ADGRL2: variants seen among roughly 807,000 people sequenced by gnomAD.
ADGRL2 encodes adhesion G protein-coupled receptor L2, also known as calcium-independent alpha-latrotoxin receptor 2.
Under a neutral mutation model 157.4 loss-of-function variants are expected in ADGRL2, and 44 were observed. The observed-to-expected ratio is 0.28, with a 90% CI of 0.22 to 0.36. The LOEUF is 0.36. Among genes scored for constraint, ADGRL2 ranks in the 10% least tolerant of loss-of-function variants. The pLI is 1.00. For missense variants in ADGRL2, 1,510 were observed against 1,768.9 expected (o/e 0.85, Z 2.63); for synonymous variants, 585 against 624.7 (o/e 0.94, Z 0.95).
chr1:81,767,899 G>A (rs2086199684), intron 2 of ADGRL2, among the ~76,000 whole-genome samples: 1 of 150,866 alleles, frequency 6.6e-6, no homozygotes, highest in Non-Finnish European at 1.5e-5. Flanking sequence ...CTGGGTCATG[G>A]AGTATGAAAA....
chr1:81,507,059 T>C (rs566153901), intron 2 of ADGRL2, among the ~76,000 whole-genome samples: 5 of 152,106 alleles, frequency 3.3e-5, no homozygotes, highest in Admixed American at 3.3e-4. Flanking sequence ...ATCATTTATA[T>C]AATATATCAG....
chr1:81,575,895 A>G (rs1557475634), intron 2 of ADGRL2, among the ~76,000 whole-genome samples: 2 of 152,102 alleles, frequency 1.3e-5, no homozygotes, highest in African/African-American at 4.8e-5. Context: ...TATACTACAC[A>G]GAATAGCATA....
chr1:81,704,555 C>T (rs1014833564), intron 1 of ADGRL2, among the ~76,000 whole-genome samples: 1 of 152,194 alleles, frequency 6.6e-6, no homozygotes, highest in Non-Finnish European at 1.5e-5. Context: ...TCCCAGAATA[C>T]TTCCAGCCTG....
At chr1:81,392,708 G>A (rs1362614526) in intron 1 of ADGRL2, among the ~76,000 whole-genome samples, 1 of 151,954 alleles carries the variant, frequency 6.6e-6, no homozygotes, top group African/African-American at 2.4e-5. Flanking sequence ...AAATCCAATG[G>A]GAAATAGAGT....
intron 2 of ADGRL2, among the ~76,000 whole-genome samples, chr1:81,467,430 G>T (rs1188138835): frequency 6.6e-6 from 1 of 152,154 alleles, no homozygotes; most frequent in Non-Finnish European, 1.5e-5. Context: ...AAATGCTACT[G>T]CTATTATCGA....
intron 1 of ADGRL2, among the ~76,000 whole-genome samples, chr1:81,732,466 C>G (rs750812898): frequency 1.3e-5 from 2 of 152,046 alleles, no homozygotes; most frequent in Non-Finnish European, 2.9e-5. Flanking sequence ...GCCAGCACAG[C>G]CTTACAGAGG....
chr1:81,491,369 G>A (rs1219894434), intron 2 of ADGRL2, among the ~76,000 whole-genome samples: 1 of 152,052 alleles, frequency 6.6e-6, no homozygotes, highest in Non-Finnish European at 1.5e-5. Context: ...TCTGGGTAAT[G>A]CTCACATGGG....
intron 3 of ADGRL2, among the ~76,000 whole-genome samples, chr1:81,918,003 T>C (rs1487974327): frequency 6.6e-6 from 1 of 152,206 alleles, no homozygotes; most frequent in East Asian, 1.9e-4. Flanking sequence ...AAGGCTCTGA[T>C]TTCATTCTCT....
intron 2 of ADGRL2, among the ~76,000 whole-genome samples, chr1:81,540,389 C>T (rs1336715509): frequency 6.6e-6 from 1 of 152,188 alleles, no homozygotes; most frequent in Non-Finnish European, 1.5e-5. Context: ...CTGACTTAGA[C>T]ACTACAGATA....
At chr1:81,521,632 G>A (rs912199150) in intron 2 of ADGRL2, among the ~76,000 whole-genome samples, 2 of 152,108 alleles carry the variant, frequency 1.3e-5, no homozygotes, top group Non-Finnish European at 2.9e-5. Context: ...TTATGTAGAA[G>A]AAAAATGATA....
intron 3 of ADGRL2, among the ~76,000 whole-genome samples, chr1:81,909,258 TC>T (rs1169529694): frequency 6.6e-6 from 1 of 152,094 alleles, no homozygotes; most frequent in Non-Finnish European, 1.5e-5. Context: ...TTTTAAGAGT[TC>T]TTTGTATATT....
chr1:81,410,865 G>T (rs10874239), intron 1 of ADGRL2, among the ~76,000 whole-genome samples: 63,214 of 152,032 alleles, frequency 0.42, 13,322 homozygotes, highest in East Asian at 0.49. Flanking sequence ...CACTTTGTAT[G>T]TGTATTCCAT....
intron 3 of ADGRL2, among the ~76,000 whole-genome samples, chr1:81,596,920 C>A (rs1435090198): frequency 1.3e-5 from 2 of 152,128 alleles, no homozygotes; most frequent in Non-Finnish European, 2.9e-5. Flanking sequence ...GCCTGTCCCC[C>A]ATCTGTCTGT....
At chr1:81,565,072 T>C (rs746801537) in intron 2 of ADGRL2, among the ~76,000 whole-genome samples, 6 of 152,172 alleles carry the variant, frequency 3.9e-5, no homozygotes, top group Non-Finnish European at 8.8e-5. Flanking sequence ...TTATATAATA[T>C]AGTGGCAAGA....
chr1:81,654,055 C>T (rs181229462), intron 3 of ADGRL2, among the ~76,000 whole-genome samples: 23 of 152,242 alleles, frequency 1.5e-4, no homozygotes, highest in Admixed American at 1.4e-3. Context: ...AAGCAATTCT[C>T]CTGCCTCAGC....
intron 2 of ADGRL2, among the ~76,000 whole-genome samples, chr1:81,541,521 A>G (rs1463495710): frequency 6.6e-6 from 1 of 152,184 alleles, no homozygotes; most frequent in African/African-American, 2.4e-5. Flanking sequence ...TCAGCCTAAG[A>G]GACAAACTCA....
intron 1 of ADGRL2, among the ~76,000 whole-genome samples, chr1:81,438,113 A>C (rs1302808747): frequency 6.6e-6 from 1 of 152,062 alleles, no homozygotes. Context: ...AATGTGTAGA[A>C]AGACATGAGT....
chr1:81,951,399 T>C (rs1423326624), intron 8 of ADGRL2, among the ~76,000 whole-genome samples: 1 of 152,162 alleles, frequency 6.6e-6, no homozygotes, highest in Non-Finnish European at 1.5e-5. Context: ...ACAAAATGCA[T>C]TCGCCGATTA....
At chr1:81,793,984 T>C (rs1374870610) in intron 2 of ADGRL2, among the ~76,000 whole-genome samples, 1 of 152,162 alleles carries the variant, frequency 6.6e-6, no homozygotes, top group African/African-American at 2.4e-5. Flanking sequence ...AACATTTACA[T>C]TTCATAGCCA....
Sources: allele counts gnomAD v4.1 joint callset (sites outside exome capture counted in the v4.1 genomes callset), GRCh38; gene constraint gnomAD v4.1.1; transcripts MANE v1.5; gene names NCBI Gene and HGNC (gene_info 2026-07-23, HGNC 2026-07-21).